CHD6: variants seen among roughly 807,000 people sequenced by gnomAD.
The protein encoded by CHD6 is ATP-dependent chromatin remodeler CHD6.
CHD6 carries 50 observed loss-of-function variants against 276.9 expected under a neutral mutation model. The observed-to-expected ratio is 0.18, with a 90% CI of 0.14 to 0.23. The LOEUF is 0.23. Ranked by LOEUF, CHD6 falls within the 10% of genes least tolerant of loss-of-function variation. The probability of loss-of-function intolerance (pLI) is 1.00; values close to 1 mark genes in which losing one functional copy is unlikely to be tolerated. For synonymous variants in CHD6, 1,173 were observed against 1,229.3 expected (o/e 0.95, Z 0.96); for missense variants, 2,564 against 3,365.8 (o/e 0.76, Z 5.89).
intron 1 of CHD6, among the ~76,000 whole-genome samples, chr20:41,600,641 C>T (rs1314726517): frequency 6.6e-6 from 1 of 152,198 alleles, no homozygotes; most frequent in East Asian, 1.9e-4. Flanking sequence ...TGCCTCAACC[C>T]CCATCCAAAC....
At position 41,452,452 on chromosome 20, in the gene CHD6, G is replaced by C. The variant is rs150234880; in HGVS notation, c.3323+288C>G. Among the ~76,000 whole-genome samples the C allele has an allele frequency of 6.6e-6, 1 of 152,188 alleles. No individual in the cohort carries two copies. Among genetic ancestry groups the C allele is most frequent in the Non-Finnish European group, 1.5e-5 (1 of 68,030 alleles). On this transcript the variant is annotated intron_variant, in intron 21 of 36. Transcript: ENST00000373233. This position sits in a 1 kb window ranked among gnomAD's most constrained non-coding sequence, Gnocchi z 4.2. ...GTGTGGACTCCTTGTATATCCTTGCGGGGTGGGAGGAAGCAGGAAATCAGT... is the reference window on the plus strand; with the variant it reads ...GTGTGGACTCCTTGTATATCCTTGCCGGGTGGGAGGAAGCAGGAAATCAGT...
chr20:41,547,875 G>A, intron 2 of CHD6: 1 of 367,988 alleles, frequency 2.7e-6, no homozygotes, highest in African/African-American at 2.1e-5. Context: ...CCACCCTCAT[G>A]ACATCATGGA....
rs766149109 is a variant in CHD6, at chr20:41,404,748, G to C, written c.7993C>G (p.Pro2665Ala). 6.2e-7 allele frequency: 1 copy of C among 1,605,992 alleles called. No individual in the cohort carries two copies. The highest frequency in any genetic ancestry group is 1.1e-5 in the South Asian group (1 of 89,748). ...GGAGCAGGCTCTGGGTGGGAGTTGG[G>C]GTTGTCCCCCTTTGTCTTCTTCTTC... ...RKKKKTKGDN[P>A]NSHPEPAPSC... The change falls in exon 37 of 37, where the codon CCC (proline) becomes GCC (alanine). Residue 2665 changes from proline to alanine, a missense_variant. Pro to Ala is a conservative substitution (Grantham distance 27, BLOSUM62 -1). This residue lies in a region of CHD6 where 238 missense variants were observed against 266.0 expected (regional missense o/e 0.89). Coordinates refer to ENST00000373233, the MANE Select transcript of CHD6 (RefSeq NM_032221.5).
chr20:41,432,499 T>C (rs2047576445), intron 27 of CHD6, among the ~76,000 whole-genome samples: 1 of 152,158 alleles, frequency 6.6e-6, no homozygotes, highest in African/African-American at 2.4e-5. Context: ...CTTCCATTCC[T>C]GCTCAAAGTA....
chr20:41,531,217 T>C (rs1346021857), intron 3 of CHD6, among the ~76,000 whole-genome samples: 1 of 152,196 alleles, frequency 6.6e-6, no homozygotes, highest in Non-Finnish European at 1.5e-5. Flanking sequence ...CTAAGTGGGC[T>C]CAGACACCTA....
chr20:41,499,445 A>G, intron 5 of CHD6, 88 bp from the exon 6 acceptor site: 1 of 1,048,994 alleles, frequency 9.5e-7, no homozygotes, highest in South Asian at 1.5e-5. Context: ...AATGGGTACT[A>G]CTTCATTCAA....
chr20:41,558,130 T>TC (rs2045260415), intron 1 of CHD6, among the ~76,000 whole-genome samples: 2 of 152,136 alleles, frequency 1.3e-5, no homozygotes, highest in East Asian at 3.9e-4. Flanking sequence ...GGGTAAGAAA[T>TC]CCCCCAACTT....
intron 27 of CHD6, among the ~76,000 whole-genome samples, chr20:41,433,540 C>T (rs1182524930): frequency 6.6e-6 from 1 of 152,124 alleles, no homozygotes; most frequent in East Asian, 1.9e-4. Flanking sequence ...GATATTAAGA[C>T]ATTCTCAGAT....
chr20:41,421,401 C>T lies in CHD6; in HGVS notation c.5234G>A (p.Cys1745Tyr). The T allele has an allele frequency of 6.2e-7, 1 of 1,614,106 alleles. No homozygotes were observed. Reference sequence around the variant, plus strand: ...TTCTGCCTCAGGGCCACCAGACTGGCAGTTCCCATCTTTGCTTATTGAGAT... The same window carrying T: ...TTCTGCCTCAGGGCCACCAGACTGGTAGTTCCCATCTTTGCTTATTGAGAT... ...ITISISKDGN[C>Y]QSGGPEAEIA... Residue 1745 changes from cysteine (C) to tyrosine (Y), a missense_variant, in exon 31 of 37, where the codon TGC becomes TAC. Around this residue, in one of 7 missense-constraint regions of CHD6, gnomAD observed 1,024 missense variants for 1,047.9 expected, o/e 0.98. Coordinates refer to ENST00000373233, the MANE Select transcript of CHD6 (RefSeq NM_032221.5).
chr20:41,537,205 A>G (rs998297483), intron 2 of CHD6, among the ~76,000 whole-genome samples: 3 of 152,224 alleles, frequency 2.0e-5, no homozygotes, highest in African/African-American at 4.8e-5. Flanking sequence ...ACTTTAAAGA[A>G]TATTATCAAG....
chr20:41,551,293 G>C lies in CHD6; in HGVS notation c.33+12C>G, dbSNP rs1223884558. On this transcript the variant is annotated intron_variant, in intron 2 of 36. Coordinates refer to ENST00000373233, the MANE Select transcript of CHD6 (RefSeq NM_032221.5). ...CCGGATGCATTCACTTAAAAGAAAAGTGATCACTTACCTGCTTCTCTTTTT... is the reference window on the plus strand; with the variant it reads ...CCGGATGCATTCACTTAAAAGAAAACTGATCACTTACCTGCTTCTCTTTTT... 1 of 1,472,592 alleles carries C rather than the reference G, an allele frequency of 6.8e-7. No individual in the cohort carries two copies. Among genetic ancestry groups the C allele is most frequent in the Admixed American group, 1.7e-5 (1 of 58,850 alleles). The allele number at this position is 1,472,592 out of a possible 1,614,324, so 91.2% of individuals were successfully genotyped here. A position where few individuals can be genotyped will look rare whatever the true frequency, so the allele number is the denominator to read the frequency against.
At chr20:41,453,082 A>C in intron 20 of CHD6, 140 bp from the exon 21 acceptor site, 1 of 654,922 alleles carries the variant, frequency 1.5e-6, no homozygotes, top group Non-Finnish European at 2.7e-6. Flanking sequence ...TTCCCAGCAC[A>C]CCTGCTGTCT....
intron 26 of CHD6, among the ~76,000 whole-genome samples, chr20:41,439,715 CA>C (rs2145595117): frequency 6.6e-6 from 1 of 152,302 alleles, no homozygotes; most frequent in Non-Finnish European, 1.5e-5. Flanking sequence ...AAGGGATGGA[CA>C]TGGTTAGAAA....
At chr20:41,457,453 A>C (rs1322571931) in intron 17 of CHD6, 25 bp from the exon 18 acceptor site, 1 of 1,599,070 alleles carries the variant, frequency 6.3e-7, no homozygotes, top group East Asian at 2.3e-5. Flanking sequence ...AGTCATATGC[A>C]TCACGTCACC....
At chr20:41,408,407 G>C (rs1429317682) in intron 36 of CHD6, among the ~76,000 whole-genome samples, 1 of 152,176 alleles carries the variant, frequency 6.6e-6, no homozygotes, top group African/African-American at 2.4e-5. Flanking sequence ...GGATCACTGG[G>C]GACGCAATTC....
chr20:41,517,911 T>A (rs947883747), intron 3 of CHD6, among the ~76,000 whole-genome samples: 1 of 152,204 alleles, frequency 6.6e-6, no homozygotes, highest in African/African-American at 2.4e-5. Flanking sequence ...AAAATCCCAG[T>A]CTCCCTTTTA....
chr20:41,412,180 C>T lies in CHD6; in HGVS notation c.7215G>A (p.Glu2405=), dbSNP rs762151929. ...GCTCCTTGGGGATGGCAGGAACTCT[C>T]TCTTCCCCGCTCAGGGAGCTGACAT... is the stretch of plus-strand genomic sequence containing the variant. ...KLDVSSLSGE[E]RVPAIPKEPG... The change falls in exon 36 of 37, where the codon GAG becomes GAA. Residue 2405 remains glutamate (E), a synonymous_variant. Coordinates refer to ENST00000373233, the MANE Select transcript of CHD6 (RefSeq NM_032221.5). 6.2e-7 allele frequency: 1 copy of T among 1,614,224 alleles called. No individual in the cohort carries two copies. The highest frequency in any genetic ancestry group is 8.5e-7 in the Non-Finnish European group (1 of 1,180,036).
intron 31 of CHD6, among the ~76,000 whole-genome samples, chr20:41,418,544 T>C (rs2047078203): frequency 6.6e-6 from 1 of 151,474 alleles, no homozygotes; most frequent in Non-Finnish European, 1.5e-5. Flanking sequence ...CTAGATTCAA[T>C]GGGGGACCAC....
intron 1 of CHD6, among the ~76,000 whole-genome samples, chr20:41,592,399 G>T (rs2045672738): frequency 6.6e-6 from 1 of 152,140 alleles, no homozygotes; most frequent in African/African-American, 2.4e-5. Flanking sequence ...GGAGTAATAG[G>T]TAATGTTTAC....
Sources: allele counts gnomAD v4.1 joint callset (sites outside exome capture counted in the v4.1 genomes callset), GRCh38; gene constraint gnomAD v4.1.1; regional missense constraint gnomAD v4.1.1; non-coding constraint Gnocchi (gnomAD v3.1); transcripts MANE v1.5; gene names NCBI Gene and HGNC (gene_info 2026-07-23, HGNC 2026-07-21).